DLG2: variants seen among roughly 807,000 people sequenced by gnomAD.
DLG2 encodes the protein disks large homolog 2.
In DLG2, 45 loss-of-function variants were observed where a neutral mutation model predicts 132.5. The ratio of observed to expected loss-of-function variants is 0.34; its 90% confidence interval spans 0.27 to 0.44. The LOEUF (loss-of-function observed/expected upper bound fraction) is 0.44, where lower values mean the gene tolerates loss of function less well. Among genes scored for constraint, DLG2 ranks in the 20% least tolerant of loss-of-function variants. The probability of loss-of-function intolerance (pLI) is 1.00; values close to 1 mark genes in which losing one functional copy is unlikely to be tolerated. For synonymous variants in DLG2, 424 were observed against 419.6 expected, an observed-to-expected ratio of 1.01 and a Z score of -0.13; for missense variants, 1,045 against 1,196.9, an observed-to-expected ratio of 0.87 and a Z score of 1.87.
chr11:83,618,305 G>T (rs2061140554), intron 19 of DLG2, among the ~76,000 whole-genome samples: 2 of 151,726 alleles, frequency 1.3e-5, no homozygotes. Flanking sequence ...GATTTATTTT[G>T]CTAATATTTG....
chr11:84,067,894 C>A (rs114566371), intron 10 of DLG2, among the ~76,000 whole-genome samples: 2,090 of 152,262 alleles, frequency 0.014, 46 homozygotes, highest in African/African-American at 0.048. Flanking sequence ...CTGATATGGG[C>A]CAATGTAGTA....
intron 6 of DLG2, among the ~76,000 whole-genome samples, chr11:84,551,556 A>T (rs1348898899): frequency 6.6e-6 from 1 of 152,236 alleles, no homozygotes; most frequent in Non-Finnish European, 1.5e-5. Context: ...CTTATGGAGT[A>T]GTTACTGTTT....
At chr11:83,682,545 G>A in intron 18 of DLG2, 1 of 726,886 alleles carries the variant, frequency 1.4e-6, no homozygotes, top group Non-Finnish European at 1.7e-6. Flanking sequence ...CCTACACCTT[G>A]TTAAGGTGGA....
At chr11:84,653,046 C>T (rs1203344453) in intron 6 of DLG2, among the ~76,000 whole-genome samples, 1 of 151,818 alleles carries the variant, frequency 6.6e-6, no homozygotes, top group African/African-American at 2.4e-5. Flanking sequence ...ATTCCTGCCT[C>T]AGCCTCCTGA....
chr11:84,734,506 G>A (rs1209578245), intron 6 of DLG2, among the ~76,000 whole-genome samples: 1 of 152,150 alleles, frequency 6.6e-6, no homozygotes, highest in Admixed American at 6.5e-5. Flanking sequence ...AGACTTTGCT[G>A]AAGTTGCTTA....
intron 21 of DLG2, among the ~76,000 whole-genome samples, chr11:83,530,863 A>G (rs2095722710): frequency 6.6e-6 from 1 of 152,072 alleles, no homozygotes; most frequent in African/African-American, 2.4e-5. Context: ...CTGTGGCTTT[A>G]GCAAGGTTGC....
intron 6 of DLG2, among the ~76,000 whole-genome samples, chr11:84,594,036 A>G (rs1470845123): frequency 6.6e-6 from 1 of 152,208 alleles, no homozygotes; most frequent in East Asian, 1.9e-4. Context: ...TAATTTCAAG[A>G]AATTACATGA....
intron 4 of DLG2, among the ~76,000 whole-genome samples, chr11:85,260,132 T>C (rs2076867302): frequency 6.6e-6 from 1 of 152,142 alleles, no homozygotes; most frequent in Non-Finnish European, 1.5e-5. Context: ...AATTGCATTA[T>C]TTGTAAAAAG....
intron 20 of DLG2, among the ~76,000 whole-genome samples, chr11:83,537,307 G>T (rs1348188726): frequency 1.3e-5 from 2 of 152,132 alleles, no homozygotes; most frequent in African/African-American, 4.8e-5. Context: ...TGGAGCATTG[G>T]ACAGTGGGAA....
At chr11:84,167,952 C>T (rs1204765139) in intron 8 of DLG2, among the ~76,000 whole-genome samples, 2 of 152,212 alleles carry the variant, frequency 1.3e-5, no homozygotes, top group African/African-American at 4.8e-5. Context: ...AGGCGTGAGC[C>T]ACCACGCCTG....
At chr11:84,681,420 A>C (rs1443359764) in intron 6 of DLG2, among the ~76,000 whole-genome samples, 1 of 152,180 alleles carries the variant, frequency 6.6e-6, no homozygotes. Context: ...AACCCAGATC[A>C]ATCTAGCTGG....
rs553901116 is a variant in DLG2 at position 83,555,453 on chromosome 11, G to A, written c.1941-13595C>T. On this transcript the variant is annotated intron_variant, in intron 19 of 27. Transcript: ENST00000376104. The stretch of plus-strand genomic sequence containing the variant: ...GTTGAGATCCCAGGTAGTGGGGAAA[G>A]GTAGTAATCCAAATGATGATGGTTT... 4.6e-5 allele frequency among the ~76,000 whole-genome samples: 7 copies of A among 152,308 alleles called. No homozygotes were observed. In the East Asian group the frequency reaches 1.3e-3, roughly 29 times the overall value.
chr11:85,100,072 A>C (rs1404360113), intron 6 of DLG2, among the ~76,000 whole-genome samples: 1 of 152,216 alleles, frequency 6.6e-6, no homozygotes, highest in African/African-American at 2.4e-5. Context: ...AATCACCATC[A>C]GAAAAAAATT....
intron 6 of DLG2, among the ~76,000 whole-genome samples, chr11:85,056,614 A>G (rs2063491070): frequency 6.6e-6 from 1 of 152,022 alleles, no homozygotes; most frequent in Non-Finnish European, 1.5e-5. Context: ...GTACATTTTC[A>G]AAACTGACAA....
chr11:83,553,874 A>G (rs17463588), intron 19 of DLG2, among the ~76,000 whole-genome samples: 5,074 of 150,390 alleles, frequency 0.034, 126 homozygotes, highest in Middle Eastern at 0.079. Context: ...TTTTATTCCA[A>G]TAGCACAATC....
chr11:85,403,057 G>T (rs1476107007), intron 3 of DLG2, among the ~76,000 whole-genome samples: 2 of 152,054 alleles, frequency 1.3e-5, no homozygotes, highest in East Asian at 3.8e-4. Context: ...GTTTATTGTG[G>T]CACTATTCAC....
intron 3 of DLG2, among the ~76,000 whole-genome samples, chr11:85,519,681 A>C (rs1190079617): frequency 6.6e-6 from 1 of 152,214 alleles, no homozygotes; most frequent in Non-Finnish European, 1.5e-5. Flanking sequence ...ATGTGAGGAC[A>C]TAAGATTTGG....
At chr11:85,424,865 C>A (rs908150016) in intron 3 of DLG2, among the ~76,000 whole-genome samples, 4 of 152,156 alleles carry the variant, frequency 2.6e-5, no homozygotes, top group Admixed American at 1.3e-4. Context: ...GATCTCCCAG[C>A]ACCTGTTCTT....
chr11:85,417,699 C>A (rs548486182), intron 3 of DLG2, among the ~76,000 whole-genome samples: 27 of 152,234 alleles, frequency 1.8e-4, no homozygotes, highest in Admixed American at 9.2e-4. Context: ...AGGAATTTAT[C>A]CATTTCTTCT....
Sources: gnomAD v4.1 joint callset for allele counts (sites outside exome capture counted in the v4.1 genomes callset) on GRCh38, gnomAD v4.1.1 for gene constraint, MANE v1.5 for transcripts, NCBI Gene and HGNC (gene_info 2026-07-23, HGNC 2026-07-21) for gene names.